Variants in KIAA1549L observed in about 807,000 individuals in gnomAD.
KIAA1549L encodes the protein KIAA1549 like, also known as UPF0606 protein KIAA1549L.
KIAA1549L carries 88 observed loss-of-function variants against 160.7 expected under a neutral mutation model. That is an observed-to-expected ratio of 0.55 (90% CI 0.46 to 0.65). The LOEUF (loss-of-function observed/expected upper bound fraction) is 0.65, where lower values mean the gene tolerates loss of function less well. Among genes scored for constraint, KIAA1549L ranks in the 30% least tolerant of loss-of-function variants. KIAA1549L has a pLI of 0.00. For synonymous variants in KIAA1549L, 950 were observed against 976.7 expected, an observed-to-expected ratio of 0.97 and a Z score of 0.51; for missense variants, 2,258 against 2,437.5, an observed-to-expected ratio of 0.93 and a Z score of 1.55.
intron 14 of KIAA1549L, 32 bp downstream of exon 14, chr11:33,606,854 G>A (rs1433955556): frequency 6.4e-7 from 1 of 1,552,918 alleles, no homozygotes; most frequent in Non-Finnish European, 8.7e-7. Context: ...GCAGGAGATG[G>A]TCCGGCCAGA....
At chr11:33,483,925 C>G (rs1565154750) in intron 1 of KIAA1549L, among the ~76,000 whole-genome samples, 1 of 152,174 alleles carries the variant, frequency 6.6e-6, no homozygotes, top group Non-Finnish European at 1.5e-5. Flanking sequence ...AATACATCCT[C>G]TATTTCTGAG....
At chr11:33,666,984 G>A (rs1852479639) in intron 20 of KIAA1549L, among the ~76,000 whole-genome samples, 1 of 152,160 alleles carries the variant, frequency 6.6e-6, no homozygotes, top group Non-Finnish European at 1.5e-5. Context: ...TCAACCCCTG[G>A]GTTCCTCTGG....
intron 1 of KIAA1549L, among the ~76,000 whole-genome samples, chr11:33,491,575 G>A (rs1852664423): frequency 6.6e-6 from 1 of 152,130 alleles, no homozygotes; most frequent in Non-Finnish European, 1.5e-5. Flanking sequence ...TTTGAATCTG[G>A]AAGTACTTTT....
intron 1 of KIAA1549L, among the ~76,000 whole-genome samples, chr11:33,453,540 C>T (rs1189016296): frequency 6.6e-6 from 1 of 152,106 alleles, no homozygotes; most frequent in African/African-American, 2.4e-5. Flanking sequence ...TCTTGGAGTG[C>T]TGAGTTCATT....
At chr11:33,400,585 T>C (rs567433903) in intron 1 of KIAA1549L, among the ~76,000 whole-genome samples, 207 of 152,298 alleles carry the variant, frequency 1.4e-3, no homozygotes, top group African/African-American at 4.7e-3. Context: ...ACAGAATCTT[T>C]TAAAGCAAAG....
chr11:33,407,734 T>G (rs1333847937), intron 1 of KIAA1549L, among the ~76,000 whole-genome samples: 1 of 152,120 alleles, frequency 6.6e-6, no homozygotes, highest in African/African-American at 2.4e-5. Flanking sequence ...TGGGGAATCC[T>G]AAGGGTTTGC....
At chr11:33,422,702 T>G (rs537895444) in intron 1 of KIAA1549L, among the ~76,000 whole-genome samples, 11 of 151,790 alleles carry the variant, frequency 7.2e-5, no homozygotes, top group Non-Finnish European at 1.5e-4. Context: ...CCCCTCCCTA[T>G]GCTCACTCCT....
chr11:33,473,564 T>C (rs1278747521), intron 1 of KIAA1549L, among the ~76,000 whole-genome samples: 1 of 152,168 alleles, frequency 6.6e-6, no homozygotes. Context: ...TCTTATAATC[T>C]CATTCCTTTG....
rs538956963 is a variant in KIAA1549L at position 33,483,758 on chromosome 11, T to C, written c.239-58044T>C. On this transcript the variant is annotated intron_variant, in intron 1 of 20. Transcript: ENST00000658780. Reference sequence around the variant, plus strand: ...TTTTATAAGGGGAAACCCCTTTCGCTTGGTTCCCATCTGTGACCATGTAAG... The same window carrying C: ...TTTTATAAGGGGAAACCCCTTTCGCCTGGTTCCCATCTGTGACCATGTAAG... Among the ~76,000 whole-genome samples the C allele has an allele frequency of 2.6e-5, 4 of 152,334 alleles. No homozygotes were observed. The East Asian group carries it at 7.7e-4, about 29-fold the overall frequency.
chr11:33,445,085 C>T (rs1037853506), intron 1 of KIAA1549L, among the ~76,000 whole-genome samples: 8 of 152,148 alleles, frequency 5.3e-5, no homozygotes, highest in Admixed American at 3.3e-4. Context: ...CAATGGAGAG[C>T]GCAGCACAGT....
rs536138898 is a variant in KIAA1549L at position 33,591,180 on chromosome 11, ATGGTT to A, written c.4567-56_4567-52del. 7.0e-3 allele frequency: 9,342 copies of A among 1,327,500 alleles called. 43 individuals carry two copies. The highest frequency in any genetic ancestry group is 9.1e-3 in the Non-Finnish European group (8,600 of 943,016). 82.2% of individuals were successfully genotyped at this position (1,327,500 alleles called of 1,614,324 possible). A position where few individuals can be genotyped will look rare whatever the true frequency, so the allele number is the denominator to read the frequency against. Reference sequence around the variant, plus strand: ...TTGCTGCCTGTCATCTCTTAAAGCCATGGTTAGAGTCACACTTCGCTAGAAATACG... The same window carrying A: ...TTGCTGCCTGTCATCTCTTAAAGCCAAGAGTCACACTTCGCTAGAAATACG... On this transcript the variant is annotated intron_variant, in intron 11 of 20. Coordinates refer to ENST00000658780, the MANE Select transcript of KIAA1549L (RefSeq NM_012194.3).
At chr11:33,377,622 A>G (rs1039151910) in intron 1 of KIAA1549L, among the ~76,000 whole-genome samples, 16 of 152,178 alleles carry the variant, frequency 1.1e-4, no homozygotes, top group Admixed American at 7.2e-4. Context: ...CCTGGAAATA[A>G]TAATGATTAC....
Position 33,543,794 on chromosome 11 carries a change from C to T in KIAA1549L, c.2231C>T (p.Pro744Leu). The part of the protein sequence containing the change: ...WETHLAPTAP[P>L]NGLTSAADAI... ...ACTCATTTAGCTCCAACAGCTCCTC[C>T]CAATGGTTTAACTTCAGCTGCCGAT... is the stretch of plus-strand genomic sequence containing the variant. Residue 744 changes from proline (P) to leucine (L), a missense_variant, in exon 2 of 21, where the codon CCC (proline) becomes CTC (leucine). Around this residue, in one of 6 missense-constraint regions of KIAA1549L, gnomAD observed 287 missense variants for 292.3 expected, o/e 0.98. Transcript: ENST00000658780. 1 of 1,614,042 alleles carries T rather than the reference C, an allele frequency of 6.2e-7. No homozygotes were observed. Among genetic ancestry groups the T allele is most frequent in the Non-Finnish European group, 8.5e-7 (1 of 1,179,898 alleles).
At position 33,545,038 on chromosome 11, in the gene KIAA1549L, A is replaced by G. The variant is rs754158503; in HGVS notation, c.3045A>G (p.Thr1015=). 3.1e-6 allele frequency: 5 copies of G among 1,613,954 alleles called. No individual in the cohort carries two copies. Among genetic ancestry groups the G allele is most frequent in the Non-Finnish European group, 4.2e-6 (5 of 1,179,902 alleles). Residue 1015 remains threonine, a synonymous_variant, in exon 3 of 21, where the codon ACA becomes ACG. Transcript: ENST00000658780. ...PFTPTYMYAR[T]GHTTSTHTAM... is the part of the protein sequence containing the mutation. Reference sequence around the variant, plus strand: ...CACCAACCTACATGTATGCAAGAACAGGACATACCACGAGCACACATACAG... The same window carrying G: ...CACCAACCTACATGTATGCAAGAACGGGACATACCACGAGCACACATACAG...
At chr11:33,489,718 A>AGAAGTGGCATG (rs1210335215) in intron 1 of KIAA1549L, among the ~76,000 whole-genome samples, 1 of 152,198 alleles carries the variant, frequency 6.6e-6, no homozygotes, top group African/African-American at 2.4e-5. Flanking sequence ...GGCCAGACCC[A>AGAAGTGGCATG]GAAGTGGCAT....
intron 8 of KIAA1549L, among the ~76,000 whole-genome samples, chr11:33,561,994 C>A (rs575550739): frequency 1.3e-4 from 20 of 152,250 alleles, no homozygotes; most frequent in Admixed American, 3.3e-4. Context: ...TCAGAAGTTA[C>A]AATGTTAACC....
intron 1 of KIAA1549L, among the ~76,000 whole-genome samples, chr11:33,481,573 C>T (rs536684941): frequency 6.6e-6 from 1 of 152,144 alleles, no homozygotes; most frequent in South Asian, 2.1e-4. Context: ...TCATTTATTA[C>T]GTTCCTTTAA....
intron 1 of KIAA1549L, among the ~76,000 whole-genome samples, chr11:33,420,798 T>C (rs1485902299): frequency 3.3e-5 from 5 of 152,108 alleles, no homozygotes; most frequent in African/African-American, 1.2e-4. Flanking sequence ...GAGCAGACAA[T>C]GGGTGTGGTA....
At chr11:33,408,949 C>CA (rs763850676) in intron 1 of KIAA1549L, among the ~76,000 whole-genome samples, 21,387 of 66,618 alleles carry the variant, frequency 0.32, 3,991 homozygotes, top group Non-Finnish European at 0.4. Context: ...GACTCCATCT[C>CA]AAAAAAAAAA....
Sources: gnomAD v4.1 joint callset for allele counts (sites outside exome capture counted in the v4.1 genomes callset) on GRCh38, gnomAD v4.1.1 for gene constraint, gnomAD v4.1.1 regional missense constraint, MANE v1.5 for transcripts, NCBI Gene and HGNC (gene_info 2026-07-23, HGNC 2026-07-21) for gene names.